Variants in RYR2 observed in about 807,000 individuals in gnomAD.
RYR2 encodes the protein cardiac muscle ryanodine receptor-calcium release channel.
A neutral mutation model predicts 601.1 loss-of-function variants in RYR2; 227 were observed. That is an observed-to-expected ratio of 0.38 (90% CI 0.34 to 0.42). RYR2 has a LOEUF of 0.42. Ranked by LOEUF, RYR2 falls within the 10% of genes least tolerant of loss-of-function variation. The pLI is 1.00. For missense variants in RYR2, 4,646 were observed against 6,156.5 expected (o/e 0.75, Z 8.21); for synonymous variants, 2,223 against 2,175.1 (o/e 1.02, Z -0.61).
Position 237,555,405 on chromosome 1 carries a change from A to G in RYR2, c.3214+4714A>G, listed in dbSNP as rs551986852. Reference sequence around the variant, plus strand: ...AGGTAGCAGTGATGACAGTCAATATATTTTTAGGTTGGAAAGATACTTATA... The same window carrying G: ...AGGTAGCAGTGATGACAGTCAATATGTTTTTAGGTTGGAAAGATACTTATA... On this transcript the variant is annotated intron_variant, in intron 27 of 104. Coordinates refer to ENST00000366574, the MANE Select transcript of RYR2 (RefSeq NM_001035.3). 2.6e-5 allele frequency among the ~76,000 whole-genome samples: 4 copies of G among 152,178 alleles called. No individual in the cohort carries two copies. The South Asian group carries it at 8.3e-4, about 32-fold the overall frequency.
intron 27 of RYR2, among the ~76,000 whole-genome samples, chr1:237,559,408 G>A (rs574822601): frequency 4.0e-5 from 6 of 151,728 alleles, no homozygotes; most frequent in East Asian, 2.0e-4. Context: ...CACCATGCCT[G>A]GCTAATTTTG....
Position 237,492,970 on chromosome 1 carries a change from G to T in RYR2, c.1844G>T (p.Cys615Phe), listed in dbSNP as rs748190200. 4.4e-6 allele frequency: 7 copies of T among 1,595,676 alleles called. No individual in the cohort carries two copies. The highest frequency in any genetic ancestry group is 1.3e-5 in the African/African-American group (1 of 74,666). ...TCTTTTCAGGTTCTGGATGTCTTGT[G>T]CTCACTCTGTGTTTGCCACGGGGTT... is the stretch of plus-strand genomic sequence containing the variant. Reference protein sequence around the residue: ...GRNHKVLDVLCSLCVCHGVAV... With the variant: ...GRNHKVLDVLFSLCVCHGVAV... The change falls in exon 19 of 105, where the codon TGC (cysteine) becomes TTC (phenylalanine). Residue 615 changes from cysteine (C) to phenylalanine (F), a missense_variant. Physicochemically the swap from Cys to Phe is radical, Grantham distance 205. This residue lies in a region of RYR2 where 1,807 missense variants were observed against 2,088.1 expected (regional missense o/e 0.87). Transcript: ENST00000366574.
At chr1:237,157,320 AAGAAAG>A (rs1558336258) in intron 1 of RYR2, among the ~76,000 whole-genome samples, 1 of 128,922 alleles carries the variant, frequency 7.8e-6, no homozygotes, top group Non-Finnish European at 1.7e-5. Flanking sequence ...AAAAAAAAAA[AAGAAAG>A]AAAGAAAGAA....
At chr1:237,538,758 G>A (rs1340861697) in intron 25 of RYR2, among the ~76,000 whole-genome samples, 2 of 143,784 alleles carry the variant, frequency 1.4e-5, no homozygotes, top group African/African-American at 5.1e-5. Context: ...GTGACAGAGT[G>A]AGACTCCGTC....
intron 1 of RYR2, among the ~76,000 whole-genome samples, chr1:237,236,244 CTTTG>C (rs906709007): frequency 1.3e-5 from 2 of 152,212 alleles, no homozygotes; most frequent in African/African-American, 4.8e-5. Flanking sequence ...CTCACCTCTC[CTTTG>C]CTCGTAGCAC....
chr1:237,190,143 C>A (rs1007554368), intron 1 of RYR2, among the ~76,000 whole-genome samples: 3 of 152,128 alleles, frequency 2.0e-5, no homozygotes, highest in Admixed American at 2.0e-4. Flanking sequence ...CCTGCTTTGG[C>A]CTCCCAAAGT....
chr1:237,576,156 G>A (rs1217140360), intron 29 of RYR2, among the ~76,000 whole-genome samples: 1 of 152,114 alleles, frequency 6.6e-6, no homozygotes, highest in Non-Finnish European at 1.5e-5. Context: ...GAAGACAAAA[G>A]CCTGAAGATA....
At chr1:237,782,849 T>C (rs1406106312) in intron 89 of RYR2, among the ~76,000 whole-genome samples, 2 of 152,168 alleles carry the variant, frequency 1.3e-5, no homozygotes, top group African/African-American at 4.8e-5. Context: ...CTGCCCAGGT[T>C]GCTGAGCACA....
intron 11 of RYR2, among the ~76,000 whole-genome samples, chr1:237,422,696 A>G (rs12058605): frequency 0.011 from 1,661 of 152,298 alleles, 25 homozygotes; most frequent in African/African-American, 0.037. Flanking sequence ...AACAGTTTTT[A>G]ACTAGTAAAT....
chr1:237,618,879 C>T (rs1678779054), intron 38 of RYR2, among the ~76,000 whole-genome samples: 1 of 152,130 alleles, frequency 6.6e-6, no homozygotes, highest in African/African-American at 2.4e-5. Flanking sequence ...AGTAGCAAGA[C>T]ACTCTTACCT....
At chr1:237,599,799 A>G (rs1190930692) in intron 34 of RYR2, among the ~76,000 whole-genome samples, 1 of 113,738 alleles carries the variant, frequency 8.8e-6, no homozygotes, top group East Asian at 2.7e-4. Context: ...ACAGAGTGAG[A>G]CTCCATCTCA....
chr1:237,306,039 ATTATGTC>A (rs907947923), intron 2 of RYR2, among the ~76,000 whole-genome samples: 1 of 152,230 alleles, frequency 6.6e-6, no homozygotes, highest in Non-Finnish European at 1.5e-5. Flanking sequence ...TACATGAAAA[ATTATGTC>A]TTAACTACAA....
intron 58 of RYR2, among the ~76,000 whole-genome samples, chr1:237,669,547 G>C (rs1399277604): frequency 4.0e-5 from 6 of 151,604 alleles, no homozygotes; most frequent in South Asian, 4.2e-4. Flanking sequence ...CGGCTGCCGG[G>C]CGGAGGGGCT....
intron 45 of RYR2, 81 bp downstream of exon 45, chr1:237,638,573 C>A: frequency 7.0e-7 from 1 of 1,434,080 alleles, no homozygotes; most frequent in Non-Finnish European, 9.6e-7. Context: ...TCAGCACTTT[C>A]ATGAAGGAAG....
At chr1:237,345,055 C>T (rs1339433393) in intron 3 of RYR2, among the ~76,000 whole-genome samples, 3 of 152,116 alleles carry the variant, frequency 2.0e-5, no homozygotes, top group Non-Finnish European at 4.4e-5. Flanking sequence ...GTGATCCGCC[C>T]ACTTCGGACT....
chr1:237,697,380 TGCA>T (rs1687561864), intron 63 of RYR2, among the ~76,000 whole-genome samples: 1 of 142,644 alleles, frequency 7.0e-6, no homozygotes, highest in Non-Finnish European at 1.5e-5. Context: ...AATATATAAT[TGCA>T]TATTATATAT....
chr1:237,705,176 T>A (rs1688267734), intron 66 of RYR2, 37 bp from the exon 67 acceptor site: 1 of 1,583,664 alleles, frequency 6.3e-7, no homozygotes, highest in Non-Finnish European at 8.6e-7. Flanking sequence ...GTTACTCACT[T>A]GGAAGACCTT....
intron 100 of RYR2, among the ~76,000 whole-genome samples, chr1:237,809,301 T>TTAA (rs1424449106): frequency 2.0e-5 from 3 of 152,234 alleles, no homozygotes; most frequent in African/African-American, 7.2e-5. Flanking sequence ...ATGTCATCAC[T>TTAA]TAAGCCTGTT....
At chr1:237,395,564 T>TTG (rs1400077755) in intron 10 of RYR2, among the ~76,000 whole-genome samples, 4 of 77,640 alleles carry the variant, frequency 5.2e-5, no homozygotes, top group African/African-American at 2.3e-4. Flanking sequence ...TTTTTTTTTT[T>TTG]GAGACAGAGT....
Sources: gnomAD v4.1 joint callset for allele counts (sites outside exome capture counted in the v4.1 genomes callset) on GRCh38, gnomAD v4.1.1 for gene constraint, gnomAD v4.1.1 regional missense constraint, MANE v1.5 for transcripts, NCBI Gene and HGNC (gene_info 2026-07-23, HGNC 2026-07-21) for gene names.